MYO1E: variants seen among roughly 807,000 people sequenced by gnomAD.
MYO1E encodes unconventional myosin-Ie.
In MYO1E, 68 loss-of-function variants were observed where a neutral mutation model predicts 151.1. That is an observed-to-expected ratio of 0.45 (90% confidence interval 0.37 to 0.55). The LOEUF (loss-of-function observed/expected upper bound fraction) is 0.55, where lower values mean the gene tolerates loss of function less well. Ranked by LOEUF, MYO1E falls within the 20% of genes least tolerant of loss-of-function variation. The pLI is 0.00. For synonymous variants in MYO1E, 601 were observed against 501.7 expected (o/e 1.20, Z -2.64); for missense variants, 1,363 against 1,389.3 (o/e 0.98, Z 0.30).
intron 22 of MYO1E, among the ~76,000 whole-genome samples, chr15:59,165,733 A>G (rs554927295): frequency 3.5e-4 from 53 of 152,244 alleles, no homozygotes; most frequent in Non-Finnish European, 6.3e-4. Flanking sequence ...CTTCCAAGTC[A>G]TTTTGAATTA....
chr15:59,190,990 G>A (rs960515272), intron 17 of MYO1E, among the ~76,000 whole-genome samples: 17 of 152,122 alleles, frequency 1.1e-4, no homozygotes, highest in Admixed American at 2.6e-4. Flanking sequence ...GGTGCTGTGG[G>A]ACAGGAGGAG....
intron 5 of MYO1E, among the ~76,000 whole-genome samples, chr15:59,236,352 G>GA (rs57488716): frequency 0.47 from 54,001 of 115,834 alleles, 15,743 homozygotes; most frequent in Middle Eastern, 0.56. Flanking sequence ...TCTCAAAAAA[G>GA]AAAAAAAAAA....
intron 26 of MYO1E, among the ~76,000 whole-genome samples, chr15:59,143,805 T>A (rs535006264): frequency 2.0e-5 from 3 of 152,352 alleles, no homozygotes; most frequent in Non-Finnish European, 4.4e-5. Context: ...ATCCTTGGTC[T>A]GGCTATGCTC....
chr15:59,174,212 C>A lies in MYO1E; in HGVS notation c.2078G>T (p.Arg693Ile), dbSNP rs758872948. The change falls in exon 20 of 28, where the codon AGA becomes ATA. Residue 693 changes from arginine (R) to isoleucine (I), a missense_variant. By Grantham distance (97) the Arg-to-Ile change is moderately conservative (BLOSUM62 -3). Transcript: ENST00000288235. ...SLFLLEEMRE[R>I]KYDGYARVIQ... ...CACTCGAGCATACCCATCATACTTT[C>A]TCTCTCTCATCTCTTCTAAAAGAAA... 2 of 1,613,660 alleles carry A rather than the reference C, an allele frequency of 1.2e-6. No homozygotes were observed. Among genetic ancestry groups the A allele is most frequent in the Non-Finnish European group, 1.7e-6 (2 of 1,179,620 alleles).
intron 2 of MYO1E, among the ~76,000 whole-genome samples, chr15:59,262,298 G>A (rs2080228735): frequency 6.6e-6 from 1 of 152,086 alleles, no homozygotes; most frequent in Non-Finnish European, 1.5e-5. Context: ...CAGAAGCTTA[G>A]AGGAATTAAA....
At chr15:59,232,639 A>T (rs968651290) in intron 5 of MYO1E, among the ~76,000 whole-genome samples, 1 of 152,198 alleles carries the variant, frequency 6.6e-6, no homozygotes, top group Non-Finnish European at 1.5e-5. Flanking sequence ...ATGGTTAAAC[A>T]TGTTCCAGAA....
At chr15:59,340,832 G>C (rs557856757) in intron 1 of MYO1E, among the ~76,000 whole-genome samples, 1 of 151,806 alleles carries the variant, frequency 6.6e-6, no homozygotes, top group South Asian at 2.1e-4. Flanking sequence ...GACCAGCCTG[G>C]CCAACATGGT....
At chr15:59,340,180 C>T (rs1567019391) in intron 1 of MYO1E, among the ~76,000 whole-genome samples, 1 of 152,014 alleles carries the variant, frequency 6.6e-6, no homozygotes, top group Non-Finnish European at 1.5e-5. Context: ...TTTAAATTGG[C>T]TGGGCATGGT....
At chr15:59,254,165 T>A (rs2080181226) in intron 4 of MYO1E, among the ~76,000 whole-genome samples, 1 of 152,128 alleles carries the variant, frequency 6.6e-6, no homozygotes, top group African/African-American at 2.4e-5. Context: ...TATTGAGGAA[T>A]AAAGGGGATC....
chr15:59,307,880 G>T (rs1196376565), intron 1 of MYO1E, among the ~76,000 whole-genome samples: 1 of 150,918 alleles, frequency 6.6e-6, no homozygotes, highest in South Asian at 2.1e-4. Flanking sequence ...AAAGTGCTGG[G>T]ATTACAGGCG....
chr15:59,213,810 G>A (rs2079896425), intron 12 of MYO1E, among the ~76,000 whole-genome samples: 1 of 152,160 alleles, frequency 6.6e-6, no homozygotes, highest in African/African-American at 2.4e-5. Context: ...CCTCAGGTAA[G>A]TATTCAAATA....
At chr15:59,195,030 G>A (rs1442182304) in intron 17 of MYO1E, among the ~76,000 whole-genome samples, 1 of 152,144 alleles carries the variant, frequency 6.6e-6, no homozygotes, top group Non-Finnish European at 1.5e-5. Context: ...AGCAAATGCT[G>A]GATTGTATTT....
intron 4 of MYO1E, among the ~76,000 whole-genome samples, chr15:59,252,010 A>T (rs1323594774): frequency 6.6e-6 from 1 of 152,244 alleles, no homozygotes; most frequent in African/African-American, 2.4e-5. Flanking sequence ...TCTGTCTAAA[A>T]CGCATACAAT....
chr15:59,196,065 T>C (rs908245825), intron 16 of MYO1E, among the ~76,000 whole-genome samples: 1 of 152,296 alleles, frequency 6.6e-6, no homozygotes, highest in African/African-American at 2.4e-5. Context: ...TTTGCTAAAG[T>C]GATGAAAATT....
At chr15:59,328,485 C>A (rs888284607) in intron 1 of MYO1E, among the ~76,000 whole-genome samples, 1 of 152,134 alleles carries the variant, frequency 6.6e-6, no homozygotes. Context: ...ATTTTTACAA[C>A]CTCTATGAAA....
chr15:59,208,126 C>G, intron 14 of MYO1E: 2 of 1,507,336 alleles, frequency 1.3e-6, no homozygotes, highest in Non-Finnish European at 1.8e-6. Flanking sequence ...TTGAAGAGAT[C>G]ATAGATACAG....
chr15:59,208,152 T>C, intron 14 of MYO1E: 1 of 1,395,064 alleles, frequency 7.2e-7, no homozygotes, highest in Non-Finnish European at 9.6e-7. Context: ...TATAACGAAA[T>C]TTTGAATAAA....
At chr15:59,239,902 G>A (rs551020408) in intron 4 of MYO1E, among the ~76,000 whole-genome samples, 1 of 152,126 alleles carries the variant, frequency 6.6e-6, no homozygotes, top group Non-Finnish European at 1.5e-5. Flanking sequence ...AATTATGCTG[G>A]CCTGTTTGGG....
chr15:59,241,224 T>C (rs1420042251), intron 4 of MYO1E, among the ~76,000 whole-genome samples: 1 of 152,112 alleles, frequency 6.6e-6, no homozygotes, highest in Non-Finnish European at 1.5e-5. Context: ...CCATGGGTAG[T>C]TAAACAGGAC....
Sources: gnomAD v4.1 joint callset for allele counts (sites outside exome capture counted in the v4.1 genomes callset) on GRCh38, gnomAD v4.1.1 for gene constraint, MANE v1.5 for transcripts, NCBI Gene and HGNC (gene_info 2026-07-23, HGNC 2026-07-21) for gene names.